The following CDH7 variants were observed in gnomAD, a reference collection of about 807,000 sequenced individuals.
CDH7 encodes the protein cadherin 7, also known as cadherin-7.
Under a neutral mutation model 71.8 loss-of-function variants are expected in CDH7, and 25 were observed. The ratio of observed to expected loss-of-function variants is 0.35; its 90% CI spans 0.25 to 0.49. The LOEUF is 0.49. Among genes scored for constraint, CDH7 ranks in the 20% least tolerant of loss-of-function variants. The pLI is 0.99. For missense variants in CDH7, 862 were observed against 974.6 expected (o/e 0.88, Z 1.54); for synonymous variants, 381 against 363.8 (o/e 1.05, Z -0.54).
chr18:65,814,118 G>A (rs976010407), intron 3 of CDH7, among the ~76,000 whole-genome samples: 1 of 152,114 alleles, frequency 6.6e-6, no homozygotes, highest in Non-Finnish European at 1.5e-5. Context: ...TCTAGACAGT[G>A]ATTGAGTCTT....
intron 6 of CDH7, among the ~76,000 whole-genome samples, chr18:65,836,100 A>G (rs1599039638): frequency 1.3e-5 from 2 of 152,316 alleles, no homozygotes; most frequent in African/African-American, 4.8e-5. Context: ...CACTGGAACA[A>G]TTCTTCCCCG....
At chr18:65,790,598 T>C (rs1404622399) in intron 2 of CDH7, among the ~76,000 whole-genome samples, 1 of 152,098 alleles carries the variant, frequency 6.6e-6, no homozygotes, top group Non-Finnish European at 1.5e-5. Context: ...GTATAAAAGG[T>C]AACTGATTGC....
chr18:65,807,426 G>A (rs189500957), intron 2 of CDH7, among the ~76,000 whole-genome samples: 150 of 152,268 alleles, frequency 9.9e-4, no homozygotes, highest in African/African-American at 3.5e-3. Context: ...AATCATAAGA[G>A]CTTGTTCTGT....
At chr18:65,813,558 G>A (rs1911618769) in intron 3 of CDH7, among the ~76,000 whole-genome samples, 1 of 151,984 alleles carries the variant, frequency 6.6e-6, no homozygotes, top group African/African-American at 2.4e-5. Context: ...GCTTTAAAAT[G>A]TTGTATTCAG....
chr18:65,781,795 C>CTTTCTTTCT (rs1910216216), intron 2 of CDH7, among the ~76,000 whole-genome samples: 1 of 62,712 alleles, frequency 1.6e-5, no homozygotes, highest in African/African-American at 1.1e-4. Context: ...TCCTTCCTTC[C>CTTTCTTTCT]TTCCTTCCTT....
chr18:65,775,432 TTAAG>T (rs1172559991), intron 2 of CDH7, among the ~76,000 whole-genome samples: 1 of 152,222 alleles, frequency 6.6e-6, no homozygotes, highest in Non-Finnish European at 1.5e-5. Context: ...CAAACATTCA[TTAAG>T]TATTAGTTGT....
chr18:65,800,729 G>T (rs1008887651), intron 2 of CDH7, among the ~76,000 whole-genome samples: 11 of 151,974 alleles, frequency 7.2e-5, no homozygotes, highest in Non-Finnish European at 1.3e-4. Context: ...TAGAATATAG[G>T]TTATAATATA....
chr18:65,885,029 A>T lies in CDH7; in HGVS notation c.*4135A>T, dbSNP rs550424419. 1 of 152,202 alleles carries T rather than the reference A, an allele frequency of 6.6e-6. No individual in the cohort carries two copies. Among genetic ancestry groups the T allele is most frequent in the Non-Finnish European group, 1.5e-5 (1 of 68,030 alleles). 9.4% of individuals were successfully genotyped at this position (152,202 alleles called of 1,614,324 possible). A position where few individuals can be genotyped will look rare whatever the true frequency, so the allele number is the denominator to read the frequency against. ...TCTGTTAGTGTATGTTTATTTTTTA[A>T]TTATTAATAATGTATATTGTGTGTA... On this transcript the variant is annotated 3_prime_UTR_variant, in exon 12 of 12. Transcript: ENST00000397968.
chr18:65,782,167 TTTC>T (rs1340625111), intron 2 of CDH7, among the ~76,000 whole-genome samples: 1 of 127,142 alleles, frequency 7.9e-6, no homozygotes, highest in African/African-American at 3.6e-5. Flanking sequence ...TCTTTCTTCC[TTTC>T]TTTCTTTCTT....
chr18:65,776,916 A>G (rs1909968500), intron 2 of CDH7, among the ~76,000 whole-genome samples: 1 of 152,210 alleles, frequency 6.6e-6, no homozygotes, highest in Non-Finnish European at 1.5e-5. Context: ...TAATTTACAT[A>G]CTTCTATAAA....
At chr18:65,873,224 G>C (rs1913978490) in intron 11 of CDH7, among the ~76,000 whole-genome samples, 1 of 152,016 alleles carries the variant, frequency 6.6e-6, no homozygotes, top group Non-Finnish European at 1.5e-5. Flanking sequence ...ACTATACCTT[G>C]TAGGTACACT....
rs1377340557 is a variant in CDH7 at position 65,887,262 on chromosome 18, GT to G, written c.*6375del. On this transcript the variant is annotated 3_prime_UTR_variant, in exon 12 of 12. Coordinates refer to ENST00000397968, the MANE Select transcript of CDH7 (RefSeq NM_004361.5). The stretch of plus-strand genomic sequence containing the variant: ...TGACCAATACTTTAAGAACAATCAA[GT>G]TTTTTTATTATTATTATTATACTTT... 1 of 151,816 alleles carries G rather than the reference GT, an allele frequency of 6.6e-6. No homozygotes were observed. Among genetic ancestry groups the G allele is most frequent in the African/African-American group, 2.4e-5 (1 of 41,354 alleles). 9.4% of individuals were successfully genotyped at this position (151,816 alleles called of 1,614,324 possible).
In CDH7 at chr18:65,882,253, G is replaced by A. The variant is rs1914253004; in HGVS notation, c.*1359G>A. 6.6e-6 allele frequency: 1 copy of A among 152,150 alleles called. No individual in the cohort carries two copies. The highest frequency in any genetic ancestry group is 1.5e-5 in the Non-Finnish European group (1 of 68,008). 9.4% of individuals were successfully genotyped at this position (152,150 alleles called of 1,614,324 possible). A position where few individuals can be genotyped will look rare whatever the true frequency, so the allele number is the denominator to read the frequency against. ...CAATTGCAAGTCATCATGTGTTTAAGTTTGAGTTGAGCTTGTTAGAGTATG... is the reference window on the plus strand; with the variant it reads ...CAATTGCAAGTCATCATGTGTTTAAATTTGAGTTGAGCTTGTTAGAGTATG... On this transcript the variant is annotated 3_prime_UTR_variant, in exon 12 of 12. Coordinates refer to ENST00000397968, the MANE Select transcript of CDH7 (RefSeq NM_004361.5).
At chr18:65,756,236 G>A (rs1916025322) in intron 1 of CDH7, among the ~76,000 whole-genome samples, 1 of 152,088 alleles carries the variant, frequency 6.6e-6, no homozygotes, top group African/African-American at 2.4e-5. Context: ...CTATTTTGGT[G>A]CTATTATTCC....
chr18:65,885,372 G>GTGTTTTTTTTTTTTT lies in CDH7; in HGVS notation c.*4479_*4480insGTTTTTTTTTTTTTT, dbSNP rs1914342122. On this transcript the variant is annotated 3_prime_UTR_variant, in exon 12 of 12. Transcript: ENST00000397968. ...GTAACTGAAAAGGATGTGTGCCTGT[G>GTGTTTTTTTTTTTTT]TTTTTTTTTTTTTTTTTTTTTTTGA... 5.8e-5 allele frequency: 4 copies of GTGTTTTTTTTTTTTT among 69,446 alleles called. No individual in the cohort carries two copies. The highest frequency in any genetic ancestry group is 2.4e-4 in the Admixed American group (1 of 4,210). The allele number at this position is 69,446 out of a possible 1,614,324, so 4.3% of individuals were successfully genotyped here.
chr18:65,785,337 TATG>T (rs1466394014), intron 2 of CDH7, among the ~76,000 whole-genome samples: 1 of 152,094 alleles, frequency 6.6e-6, no homozygotes, highest in Non-Finnish European at 1.5e-5. Flanking sequence ...TTTATTAGAA[TATG>T]ATGACAGTGT....
intron 2 of CDH7, among the ~76,000 whole-genome samples, chr18:65,781,844 TTC>T (rs1169177280): frequency 1.0e-5 from 1 of 98,314 alleles, no homozygotes; most frequent in Non-Finnish European, 1.8e-5. Context: ...CTTTCTTTCT[TTC>T]TTTCTTTCTT....
At chr18:65,870,805 T>C (rs1283169194) in intron 11 of CDH7, among the ~76,000 whole-genome samples, 1 of 152,248 alleles carries the variant, frequency 6.6e-6, no homozygotes, top group Non-Finnish European at 1.5e-5. Context: ...TTTGTAACTA[T>C]ATGTGTTTGT....
chr18:65,809,384 C>T (rs751984936), intron 2 of CDH7, among the ~76,000 whole-genome samples: 2 of 152,202 alleles, frequency 1.3e-5, no homozygotes, highest in Non-Finnish European at 2.9e-5. Context: ...AATGCCTGCT[C>T]TGTTCAAAGA....
Sources: gnomAD v4.1 joint callset for allele counts (sites outside exome capture counted in the v4.1 genomes callset) on GRCh38, gnomAD v4.1.1 for gene constraint, MANE v1.5 for transcripts, NCBI Gene and HGNC (gene_info 2026-07-23, HGNC 2026-07-21) for gene names.